Variants in BCKDHB observed in about 807,000 individuals in gnomAD.
BCKDHB encodes the protein 2-oxoisovalerate dehydrogenase subunit beta, mitochondrial.
In BCKDHB, 41 loss-of-function variants were observed where a neutral mutation model predicts 48.5. The observed-to-expected ratio is 0.85, with a 90% confidence interval of 0.66 to 1.10. The LOEUF is 1.10. Ranked by LOEUF, BCKDHB falls within the 50% of genes least tolerant of loss-of-function variation. The pLI is 0.00. For missense variants in BCKDHB, 496 were observed against 494.2 expected (o/e 1.00, Z -0.03); for synonymous variants, 201 against 174.8 (o/e 1.15, Z -1.18).
At chr6:80,418,177 T>TATCA in the BCKDHB span, among the ~76,000 whole-genome samples, 1 of 152,250 alleles carries the variant, frequency 6.6e-6, no homozygotes, top group African/African-American at 2.4e-5. Flanking sequence ...TTTTCACCTC[T>TATCA]ATCAGGTCGT....
the BCKDHB span, among the ~76,000 whole-genome samples, chr6:80,390,266 C>T: frequency 1.6e-4 from 24 of 152,076 alleles, no homozygotes; most frequent in African/African-American, 5.8e-4. Context: ...CAGCCCGATC[C>T]AGGCAGGACT....
At chr6:80,317,094 G>C (rs533981499) in intron 9 of BCKDHB, among the ~76,000 whole-genome samples, 1 of 152,134 alleles carries the variant, frequency 6.6e-6, no homozygotes, top group Non-Finnish European at 1.5e-5. Flanking sequence ...AGATGTGGCC[G>C]TTCTCTCTGA....
chr6:80,119,143 T>G (rs1028682694), intron 1 of BCKDHB, among the ~76,000 whole-genome samples: 1 of 151,968 alleles, frequency 6.6e-6, no homozygotes, highest in East Asian at 1.9e-4. Flanking sequence ...ACAAAAAAAT[T>G]AGCAGGCATG....
At chr6:80,310,252 C>T (rs1455535412) in intron 9 of BCKDHB, among the ~76,000 whole-genome samples, 1 of 152,166 alleles carries the variant, frequency 6.6e-6, no homozygotes, top group Non-Finnish European at 1.5e-5. Flanking sequence ...TCTTCCTCCT[C>T]CAACCCAAAG....
the BCKDHB span, among the ~76,000 whole-genome samples, chr6:80,393,332 A>T: frequency 6.6e-6 from 1 of 152,136 alleles, no homozygotes; most frequent in Non-Finnish European, 1.5e-5. Flanking sequence ...TTTAAATATA[A>T]TCCTCACTGT....
chr6:80,407,921 T>G, the BCKDHB span, among the ~76,000 whole-genome samples: 4 of 152,196 alleles, frequency 2.6e-5, no homozygotes, highest in Admixed American at 6.5e-5. Flanking sequence ...GAGGGCATCC[T>G]TGTCTTGTGC....
intron 8 of BCKDHB, among the ~76,000 whole-genome samples, chr6:80,205,972 G>C (rs945889977): frequency 2.6e-5 from 4 of 151,894 alleles, no homozygotes; most frequent in African/African-American, 9.7e-5. Context: ...GTAGAATCCA[G>C]GTATATAGAA....
chr6:80,191,716 G>C (rs1221426731), intron 6 of BCKDHB, among the ~76,000 whole-genome samples: 2 of 152,070 alleles, frequency 1.3e-5, no homozygotes, highest in African/African-American at 4.8e-5. Context: ...CACCAGAGAA[G>C]GTGTCTCTTT....
intron 8 of BCKDHB, among the ~76,000 whole-genome samples, chr6:80,269,844 A>C (rs528014935): frequency 1.2e-3 from 184 of 152,222 alleles, no homozygotes; most frequent in African/African-American, 4.0e-3. Flanking sequence ...TCTCCATTGA[A>C]ACATACTGCA....
At chr6:80,264,196 C>T (rs1777418970) in intron 8 of BCKDHB, among the ~76,000 whole-genome samples, 1 of 152,180 alleles carries the variant, frequency 6.6e-6, no homozygotes, top group Non-Finnish European at 1.5e-5. Flanking sequence ...ATTGTGGCAA[C>T]ATATATAGTA....
chr6:80,335,856 GT>G (rs1769566876), intron 9 of BCKDHB, among the ~76,000 whole-genome samples: 2 of 151,996 alleles, frequency 1.3e-5, no homozygotes, highest in South Asian at 4.1e-4. Context: ...GAAAAACAAA[GT>G]GGTTTATATG....
intron 9 of BCKDHB, among the ~76,000 whole-genome samples, chr6:80,343,275 A>G (rs887751344): frequency 1.3e-5 from 2 of 152,258 alleles, no homozygotes; most frequent in Admixed American, 6.5e-5. Context: ...TGTGCATTGT[A>G]TAAAATGTGA....
At chr6:80,332,706 T>TAAAAA (rs201659861) in intron 9 of BCKDHB, among the ~76,000 whole-genome samples, 3 of 139,442 alleles carry the variant, frequency 2.2e-5, no homozygotes, top group African/African-American at 5.3e-5. Context: ...ACCCTTATAG[T>TAAAAA]AAAAAAAAAA....
intron 3 of BCKDHB, among the ~76,000 whole-genome samples, chr6:80,135,128 A>T (rs543246957): frequency 8.5e-4 from 129 of 152,060 alleles, no homozygotes; most frequent in Non-Finnish European, 1.6e-3. Flanking sequence ...GTGAATTATG[A>T]AATTAATGTC....
At chr6:80,150,974 A>G (rs1034328061) in intron 3 of BCKDHB, among the ~76,000 whole-genome samples, 2 of 152,178 alleles carry the variant, frequency 1.3e-5, no homozygotes, top group Non-Finnish European at 2.9e-5. Flanking sequence ...TCACTGTTAT[A>G]TTATGCCATT....
chr6:80,308,362 G>T (rs1000209678), intron 9 of BCKDHB, among the ~76,000 whole-genome samples: 2 of 151,942 alleles, frequency 1.3e-5, no homozygotes, highest in Non-Finnish European at 2.9e-5. Flanking sequence ...TGACCATTTA[G>T]ATTGTTTACT....
intron 3 of BCKDHB, among the ~76,000 whole-genome samples, chr6:80,150,147 G>A (rs1437702574): frequency 2.0e-5 from 3 of 152,040 alleles, no homozygotes; most frequent in African/African-American, 4.8e-5. Flanking sequence ...TCCCTCAGAA[G>A]GCCCTCTCTT....
At chr6:80,410,607 A>T in the BCKDHB span, among the ~76,000 whole-genome samples, 1 of 152,120 alleles carries the variant, frequency 6.6e-6, no homozygotes, top group Non-Finnish European at 1.5e-5. Context: ...TGGTCTTTTC[A>T]CATAGTCCCA....
intron 3 of BCKDHB, among the ~76,000 whole-genome samples, chr6:80,140,251 A>C (rs1478821068): frequency 1.3e-5 from 2 of 152,250 alleles, no homozygotes; most frequent in Non-Finnish European, 2.9e-5. Flanking sequence ...ATCTGCAAAC[A>C]GGGACAATTT....
Sources: allele counts gnomAD v4.1 joint callset (sites outside exome capture counted in the v4.1 genomes callset), GRCh38; gene constraint gnomAD v4.1.1; transcripts MANE v1.5; gene names NCBI Gene and HGNC (gene_info 2026-07-23, HGNC 2026-07-21).